FGD3: variants seen among roughly 807,000 people sequenced by gnomAD.
The protein encoded by FGD3 is FYVE, RhoGEF and PH domain-containing protein 3.
FGD3 carries 45 observed loss-of-function variants against 71.8 expected under a neutral mutation model. The observed-to-expected ratio is 0.63, with a 90% CI of 0.49 to 0.80. The LOEUF (loss-of-function observed/expected upper bound fraction) is 0.80. Ranked by LOEUF, FGD3 falls within the 30% of genes least tolerant of loss-of-function variation. The probability of loss-of-function intolerance (pLI) is 0.00; values close to 1 mark genes in which losing one functional copy is unlikely to be tolerated. For missense variants in FGD3, 844 were observed against 951.5 expected (o/e 0.89, Z 1.49); for synonymous variants, 378 against 392.8 (o/e 0.96, Z 0.44).
chr9:92,990,255 T>C (rs1444717947), intron 3 of FGD3, among the ~76,000 whole-genome samples: 1 of 152,122 alleles, frequency 6.6e-6, no homozygotes. Flanking sequence ...TTGAGCAACA[T>C]AGTGAGACCT....
chr9:92,960,368 C>T (rs1428835298), intron 1 of FGD3, among the ~76,000 whole-genome samples: 3 of 152,160 alleles, frequency 2.0e-5, no homozygotes, highest in South Asian at 2.1e-4. Context: ...CCTATCCCCA[C>T]GTCCTCATGT....
In FGD3 at chr9:93,034,540, G is replaced by A; in HGVS notation, c.1786-1G>A. On this transcript the variant is annotated splice_acceptor_variant, in intron 16 of 17. Coordinates refer to ENST00000375482, the MANE Select transcript of FGD3 (RefSeq NM_001083536.2). LOFTEE classifies it high-confidence loss of function. ...CCTAACCTGTGTCTTTGTGTCCCCA[G>A]AAGACACCCACTGCAGACCCCCAGC... is the stretch of plus-strand genomic sequence containing the variant. The A allele has an allele frequency of 6.2e-7, 1 of 1,609,544 alleles. No homozygotes were observed. The highest frequency in any genetic ancestry group is 8.5e-7 in the Non-Finnish European group (1 of 1,177,634).
rs1861866021 is a variant in FGD3, at chr9:93,020,330, C to T, written c.1400C>T (p.Thr467Ile). The T allele has an allele frequency of 2.5e-6, 4 of 1,612,208 alleles. No individual in the cohort carries two copies. The highest frequency in any genetic ancestry group is 3.4e-6 in the Non-Finnish European group (4 of 1,179,266). Residue 467 changes from threonine to isoleucine, a missense_variant, in exon 13 of 18, where the codon ACC (threonine) becomes ATC (isoleucine). Physicochemically the swap from Thr to Ile is moderately conservative, Grantham distance 89. Coordinates refer to ENST00000375482, the MANE Select transcript of FGD3 (RefSeq NM_001083536.2). ...TGCTGTGTCCAGATCATCCAGGCCA[C>T]CATCGAGAAGCACAAACAGAACAGC... Reference protein sequence around the residue: ...KKEWIQIIQATIEKHKQNSET... With the variant: ...KKEWIQIIQAIIEKHKQNSET...
At chr9:92,970,263 G>A (rs1248408227) in intron 1 of FGD3, among the ~76,000 whole-genome samples, 2 of 151,230 alleles carry the variant, frequency 1.3e-5, no homozygotes, top group East Asian at 1.9e-4. Flanking sequence ...CACTGACCCT[G>A]GGCATGGGTG....
intron 3 of FGD3, among the ~76,000 whole-genome samples, chr9:92,978,904 G>A: frequency 6.7e-6 from 1 of 150,112 alleles, no homozygotes; most frequent in Non-Finnish European, 1.5e-5. Flanking sequence ...AAGTTGTCAG[G>A]ATTATAGCTG....
At chr9:92,949,283 G>A (rs1303419532) in intron 1 of FGD3, among the ~76,000 whole-genome samples, 1 of 152,192 alleles carries the variant, frequency 6.6e-6, no homozygotes. Flanking sequence ...ATTTGTAAAT[G>A]GGGCTATGTG....
At position 93,003,435 on chromosome 9, in the gene FGD3, C is replaced by CTTA. The variant is rs1165466441; in HGVS notation, c.543+424_543+426dup. Among the ~76,000 whole-genome samples, 2 of 152,184 alleles carry CTTA rather than the reference C, an allele frequency of 1.3e-5. No individual in the cohort carries two copies. Among genetic ancestry groups the CTTA allele is most frequent in the African/African-American group, 4.8e-5 (2 of 41,466 alleles). ...TGAGCCACCACGCCCGTCCTAGAAACTTATTTTTTGTTTTCAGTGCTTGTA... is the reference window on the plus strand; with the variant it reads ...TGAGCCACCACGCCCGTCCTAGAAACTTATTATTTTTTGTTTTCAGTGCTTGTA... On this transcript the variant is annotated intron_variant, in intron 4 of 17. Transcript: ENST00000375482. This position sits in a 1 kb window ranked among gnomAD's most constrained non-coding sequence, Gnocchi z 4.1.
At chr9:92,992,957 G>A (rs987254595) in intron 3 of FGD3, among the ~76,000 whole-genome samples, 2 of 152,188 alleles carry the variant, frequency 1.3e-5, no homozygotes, top group African/African-American at 2.4e-5. Flanking sequence ...CTGGTTGGAG[G>A]GAGATGGGAC....
chr9:92,998,402 C>T (rs1301278621), intron 3 of FGD3, among the ~76,000 whole-genome samples: 1 of 152,116 alleles, frequency 6.6e-6, no homozygotes, highest in Non-Finnish European at 1.5e-5. Context: ...AGCTTCTTTG[C>T]GATGGGTTCA....
At chr9:93,031,944 A>AGG (rs1312695251) in intron 15 of FGD3, among the ~76,000 whole-genome samples, 1 of 151,970 alleles carries the variant, frequency 6.6e-6, no homozygotes, top group Non-Finnish European at 1.5e-5. Context: ...GGGCCAGAGG[A>AGG]GGGGGCACAA....
At chr9:92,974,941 G>C (rs1377058392) in intron 1 of FGD3, among the ~76,000 whole-genome samples, 1 of 152,226 alleles carries the variant, frequency 6.6e-6, no homozygotes, top group African/African-American at 2.4e-5. Context: ...GCCGCAGGAT[G>C]CTGCATGGCA....
At position 92,976,635 on chromosome 9, in the gene FGD3, G is replaced by A; in HGVS notation, c.379G>A (p.Asp127Asn). Residue 127 changes from aspartate (D) to asparagine (N), a missense_variant, in exon 3 of 18, where the codon GAC becomes AAC. Physicochemically the swap from Asp to Asn is conservative, Grantham distance 23. Coordinates refer to ENST00000375482, the MANE Select transcript of FGD3 (RefSeq NM_001083536.2). ...GAAGGTCACCCCCCAGGAGGAGGCGGACAGCGACGTGGGTGAGGAACCTGA... is the reference window on the plus strand; with the variant it reads ...GAAGGTCACCCCCCAGGAGGAGGCGAACAGCGACGTGGGTGAGGAACCTGA... ...VPKVTPQEEADSDVGEEPDSE... is the reference protein window; with the variant it reads ...VPKVTPQEEANSDVGEEPDSE... 2 of 1,612,776 alleles carry A rather than the reference G, an allele frequency of 1.2e-6. No homozygotes were observed. Among genetic ancestry groups the A allele is most frequent in the Non-Finnish European group, 1.7e-6 (2 of 1,179,862 alleles).
Position 93,029,879 on chromosome 9 carries a change from G to A in FGD3, c.1563G>A (p.Glu521=). 2 of 1,612,664 alleles carry A rather than the reference G, an allele frequency of 1.2e-6. No individual in the cohort carries two copies. Among genetic ancestry groups the A allele is most frequent in the Non-Finnish European group, 8.5e-7 (1 of 1,179,192 alleles). The change falls in exon 15 of 18, where the codon GAG becomes GAA. Residue 521 remains glutamate, a synonymous_variant. Coordinates refer to ENST00000375482, the MANE Select transcript of FGD3 (RefSeq NM_001083536.2). ...TEGSSGAAGL[E]PRKLSSKTRR... is the part of the protein sequence containing the mutation. ...ATCTATTTGCCTCCTTATAGCTCGA[G>A]CCCAGAAAACTATCCTCTAAGACCA...
At position 92,976,392 on chromosome 9, in the gene FGD3, C is replaced by T. The variant is rs1184923461; in HGVS notation, c.136C>T (p.Pro46Ser). The T allele has an allele frequency of 6.2e-7, 1 of 1,610,616 alleles. No homozygotes were observed. Among genetic ancestry groups the T allele is most frequent in the Non-Finnish European group, 8.5e-7 (1 of 1,179,032 alleles). The stretch of plus-strand genomic sequence containing the variant: ...TGGGCCCAGAGCCCACTGTGGGGAC[C>T]CTGTCAGCCTGGCTGCAGCAGGGGA... Reference protein sequence around the residue: ...PVGPRAHCGDPVSLAAAGDGS... With the variant: ...PVGPRAHCGDSVSLAAAGDGS... Residue 46 changes from proline (P) to serine (S), a missense_variant, in exon 3 of 18, where the codon CCT becomes TCT. Physicochemically the swap from Pro to Ser is moderately conservative, Grantham distance 74. Coordinates refer to ENST00000375482, the MANE Select transcript of FGD3 (RefSeq NM_001083536.2).
chr9:93,017,867 G>C (rs1014051908), intron 10 of FGD3, among the ~76,000 whole-genome samples: 2 of 152,126 alleles, frequency 1.3e-5, no homozygotes, highest in Admixed American at 1.3e-4. Context: ...GTGTCGGGGG[G>C]GTGGGTTTGG....
intron 3 of FGD3, among the ~76,000 whole-genome samples, chr9:92,997,545 G>A (rs867407709): frequency 6.6e-6 from 1 of 152,182 alleles, no homozygotes; most frequent in Non-Finnish European, 1.5e-5. Flanking sequence ...TTGCTCGTTA[G>A]TTGATGCAGT....
chr9:93,018,581 T>C (rs1255480317), intron 11 of FGD3, among the ~76,000 whole-genome samples: 4 of 152,184 alleles, frequency 2.6e-5, no homozygotes, highest in Non-Finnish European at 5.9e-5. Context: ...GGCATCTCAT[T>C]GTCTGGATGT....
chr9:92,980,716 AATTCC>A (rs1859958312), intron 3 of FGD3, among the ~76,000 whole-genome samples: 2 of 152,150 alleles, frequency 1.3e-5, no homozygotes, highest in African/African-American at 2.4e-5. Flanking sequence ...TCACTCCTGT[AATTCC>A]AGCACTTTGG....
chr9:92,953,800 A>G (rs1377197686), intron 1 of FGD3, among the ~76,000 whole-genome samples: 1 of 152,240 alleles, frequency 6.6e-6, no homozygotes, highest in Non-Finnish European at 1.5e-5. Context: ...GTTTTGCAAA[A>G]AATGTGTTTT....
Sources: gnomAD v4.1 joint callset for allele counts (sites outside exome capture counted in the v4.1 genomes callset) on GRCh38, gnomAD v4.1.1 for gene constraint, Gnocchi (gnomAD v3.1) non-coding constraint, MANE v1.5 for transcripts, NCBI Gene and HGNC (gene_info 2026-07-23, HGNC 2026-07-21) for gene names.